Variants in PREX1 observed in about 807,000 individuals in gnomAD.
PREX1 encodes phosphatidylinositol 3,4,5-trisphosphate-dependent Rac exchanger 1 protein.
In PREX1, 41 loss-of-function variants were observed where a neutral mutation model predicts 198.3. That is an observed-to-expected ratio of 0.21 (90% CI 0.16 to 0.27). The LOEUF (loss-of-function observed/expected upper bound fraction) is 0.27. PREX1 is among the 10% of genes least tolerant of loss of function. The pLI, the probability that PREX1 is intolerant of heterozygous loss-of-function variation, is 1.00. For synonymous variants in PREX1, 843 were observed against 887.2 expected (o/e 0.95, Z 0.89); for missense variants, 1,620 against 2,200.7 (o/e 0.74, Z 5.28).
the PREX1 span, among the ~76,000 whole-genome samples, chr20:48,879,739 C>G: frequency 6.6e-6 from 1 of 152,212 alleles, no homozygotes; most frequent in African/African-American, 2.4e-5. Context: ...CTCTTCTGAT[C>G]CTAAAAATGC....
intron 13 of PREX1, among the ~76,000 whole-genome samples, chr20:48,677,620 A>G (rs1184007370): frequency 1.3e-5 from 2 of 152,224 alleles, no homozygotes; most frequent in Non-Finnish European, 2.9e-5. Flanking sequence ...TCATCTTTCA[A>G]CATTCACTGA....
intron 1 of PREX1, among the ~76,000 whole-genome samples, chr20:48,802,188 G>A (rs115176766): frequency 0.012 from 1,769 of 151,730 alleles, 26 homozygotes; most frequent in African/African-American, 0.041. Flanking sequence ...CAGGTAGCCA[G>A]AGGGGTTCTT....
rs536184754 is a variant in PREX1, at chr20:48,637,801, C to T, written c.3905-49G>A. 2.6e-6 allele frequency: 4 copies of T among 1,550,356 alleles called. No homozygotes were observed. The African/African-American group carries it at 4.1e-5, about 16-fold the overall frequency. ...AGGGGGACGGGCTGGGAGGGGGCAG[C>T]AAGAGGTGAGGGCAGAACCGGGCCC... On this transcript the variant is annotated intron_variant, in intron 30 of 39. Transcript: ENST00000371941.
Position 48,636,453 on chromosome 20 carries a change from A to C in PREX1, c.4167+10T>G, listed in dbSNP as rs1390241928. 3.1e-6 allele frequency: 5 copies of C among 1,595,412 alleles called. No homozygotes were observed. The highest frequency in any genetic ancestry group is 1.1e-5 in the South Asian group (1 of 90,548). On this transcript the variant is annotated intron_variant, in intron 32 of 39. Transcript: ENST00000371941. ...GCCAGCGGGGCCGCCCTCCCGCCCC[A>C]CTCACTCACCACTGTGGCTGGCGAG...
chr20:48,863,326 T>G, the PREX1 span, among the ~76,000 whole-genome samples: 2 of 152,140 alleles, frequency 1.3e-5, no homozygotes, highest in Non-Finnish European at 2.9e-5. Context: ...TATATTAGAG[T>G]TGACTGTGTT....
intron 1 of PREX1, among the ~76,000 whole-genome samples, chr20:48,800,148 C>T (rs1485662101): frequency 1.3e-5 from 2 of 152,206 alleles, no homozygotes; most frequent in Non-Finnish European, 2.9e-5. Context: ...AAGGTAGCTA[C>T]TATAATCACC....
At chr20:48,786,666 A>G (rs2090313592) in intron 1 of PREX1, among the ~76,000 whole-genome samples, 1 of 151,268 alleles carries the variant, frequency 6.6e-6, no homozygotes, top group Non-Finnish European at 1.5e-5. Flanking sequence ...AATCGCTTGA[A>G]CCCGGGAGGC....
rs1175499932 is a variant in PREX1, at chr20:48,731,076, A to T, written c.519+3470T>A. ...GCTCCTTCATTACCTGGTTTCTTTC[A>T]ATCTCTCTGACCTCATCTCCTCCTG... On this transcript the variant is annotated intron_variant, in intron 4 of 39. Transcript: ENST00000371941. Among the ~76,000 whole-genome samples, 3 of 152,106 alleles carry T rather than the reference A, an allele frequency of 2.0e-5. No homozygotes were observed. The East Asian group carries it at 5.8e-4, about 29-fold the overall frequency.
the PREX1 span, among the ~76,000 whole-genome samples, chr20:48,856,736 T>C: frequency 6.6e-6 from 1 of 152,198 alleles, no homozygotes; most frequent in African/African-American, 2.4e-5. Flanking sequence ...GCAAAACAAA[T>C]TAAATGTGTT....
chr20:48,705,778 T>C (rs1052374322), intron 6 of PREX1, among the ~76,000 whole-genome samples: 1 of 152,216 alleles, frequency 6.6e-6, no homozygotes, highest in Non-Finnish European at 1.5e-5. Context: ...CAAAGGACAT[T>C]CATATTCCAC....
intron 1 of PREX1, among the ~76,000 whole-genome samples, chr20:48,809,119 C>T (rs565129853): frequency 6.6e-6 from 1 of 152,312 alleles, no homozygotes; most frequent in South Asian, 2.1e-4. Flanking sequence ...GGGCACAGTT[C>T]CTCACACATG....
intron 5 of PREX1, among the ~76,000 whole-genome samples, chr20:48,725,616 T>C (rs1021116331): frequency 4.6e-5 from 7 of 152,254 alleles, no homozygotes; most frequent in Non-Finnish European, 1.0e-4. Flanking sequence ...GGGGTTCATC[T>C]GTCCTCACTC....
intron 1 of PREX1, among the ~76,000 whole-genome samples, chr20:48,823,427 C>T (rs2090496187): frequency 1.3e-5 from 2 of 152,188 alleles, no homozygotes; most frequent in South Asian, 2.1e-4. Context: ...ATCCCTGTGA[C>T]GCAGGTGCTA....
chr20:48,628,617 G>A (rs533274727), intron 37 of PREX1, among the ~76,000 whole-genome samples: 2 of 152,292 alleles, frequency 1.3e-5, no homozygotes, highest in East Asian at 3.9e-4. Flanking sequence ...CCCCTAAGTT[G>A]TGACAACCAA....
chr20:48,771,342 C>T (rs1415490363), intron 1 of PREX1, among the ~76,000 whole-genome samples: 1 of 151,486 alleles, frequency 6.6e-6, no homozygotes, highest in Non-Finnish European at 1.5e-5. Context: ...ATTTTCCCCC[C>T]ATGCTTAGGA....
chr20:48,672,835 G>A (rs1347521000), intron 14 of PREX1, among the ~76,000 whole-genome samples: 5 of 152,048 alleles, frequency 3.3e-5, no homozygotes, highest in Admixed American at 6.6e-5. Context: ...CTCCCACACC[G>A]TTCCCTCCAC....
At chr20:48,656,599 T>G in intron 18 of PREX1, 2 of 453,516 alleles carry the variant, frequency 4.4e-6, no homozygotes, top group Non-Finnish European at 4.4e-6. Flanking sequence ...TCCCCTTGAC[T>G]CCCCCCTCAT....
At chr20:48,740,638 CT>C (rs962973441) in intron 3 of PREX1, among the ~76,000 whole-genome samples, 1 of 152,194 alleles carries the variant, frequency 6.6e-6, no homozygotes. Flanking sequence ...GAGGTGTGGC[CT>C]TTAAAACTCC....
chr20:48,802,144 C>A (rs1385987725), intron 1 of PREX1, among the ~76,000 whole-genome samples: 1 of 152,070 alleles, frequency 6.6e-6, no homozygotes, highest in Admixed American at 6.6e-5. Flanking sequence ...CCCATCCCCA[C>A]CCCCGCCAAA....
Sources: gnomAD v4.1 joint callset for allele counts (sites outside exome capture counted in the v4.1 genomes callset) on GRCh38, gnomAD v4.1.1 for gene constraint, MANE v1.5 for transcripts, NCBI Gene and HGNC (gene_info 2026-07-23, HGNC 2026-07-21) for gene names.